The following EPS15 variants were observed in gnomAD, a reference collection of about 807,000 sequenced individuals.
The protein encoded by EPS15 is epidermal growth factor receptor pathway substrate 15.
Under a neutral mutation model 113.8 loss-of-function variants are expected in EPS15, and 72 were observed. That is an observed-to-expected ratio of 0.63 (90% CI 0.52 to 0.77). The LOEUF is 0.77. Among genes scored for constraint, EPS15 ranks in the 30% least tolerant of loss-of-function variants. The pLI is 0.00. For synonymous variants in EPS15, 344 were observed against 363.4 expected (o/e 0.95, Z 0.61); for missense variants, 1,048 against 1,045.8 (o/e 1.00, Z -0.03).
intron 8 of EPS15, chr1:51,460,880 G>T: frequency 4.7e-6 from 2 of 425,114 alleles, no homozygotes; most frequent in Admixed American, 8.8e-5. Context: ...CTTGAACCTG[G>T]GAGGTAGAGG....
At chr1:51,518,541 G>T (rs923867138) in intron 1 of EPS15, 1 of 152,966 alleles carries the variant, frequency 6.5e-6, no homozygotes, top group East Asian at 1.9e-4. Context: ...GATCAGGAGG[G>T]GGGAGAGGCT....
intron 8 of EPS15, among the ~76,000 whole-genome samples, chr1:51,456,210 A>G (rs1192796408): frequency 2.0e-5 from 3 of 152,202 alleles, no homozygotes. Context: ...GTCTAAACAT[A>G]AAGACTCAAG....
At chr1:51,450,272 T>C (rs994728263) in intron 8 of EPS15, among the ~76,000 whole-genome samples, 1 of 151,732 alleles carries the variant, frequency 6.6e-6, no homozygotes, top group African/African-American at 2.4e-5. Flanking sequence ...CGTTTTTGTA[T>C]TGCTATAAAT....
intron 8 of EPS15, among the ~76,000 whole-genome samples, chr1:51,449,355 A>G (rs7526429): frequency 0.03 from 4,574 of 152,208 alleles, 75 homozygotes; most frequent in African/African-American, 0.05. Flanking sequence ...AACAAATACC[A>G]TATGTTCTTG....
chr1:51,448,117 A>G lies in EPS15; in HGVS notation c.580T>C (p.Cys194Arg). ...EFAVAMFLVYCALEKEPVPMS... is the reference protein window; with the variant it reads ...EFAVAMFLVYRALEKEPVPMS... ...GGCACAGGTTCTTTCTCCAGTGCAC[A>G]GTATACCAAAAACATGGCCTTCAAA... The change falls in exon 9 of 25, where the codon TGT (cysteine) becomes CGT (arginine). Residue 194 changes from cysteine (C) to arginine (R), a missense_variant. Cys to Arg is a radical substitution (Grantham distance 180). Transcript: ENST00000371733. 1 of 1,612,596 alleles carries G rather than the reference A, an allele frequency of 6.2e-7. No individual in the cohort carries two copies. Among genetic ancestry groups the G allele is most frequent in the Non-Finnish European group, 8.5e-7 (1 of 1,178,888 alleles).
intron 6 of EPS15, 55 bp downstream of exon 6, chr1:51,465,206 G>GA: frequency 2.8e-6 from 3 of 1,064,894 alleles, no homozygotes; most frequent in Middle Eastern, 4.0e-4. Flanking sequence ...GAGGTAGAGA[G>GA]AGAGTAGATA....
intron 19 of EPS15, among the ~76,000 whole-genome samples, chr1:51,399,562 CAAAA>C (rs1293875575): frequency 1.4e-5 from 2 of 144,516 alleles, no homozygotes; most frequent in African/African-American, 5.2e-5. Flanking sequence ...AACAAACAAA[CAAAA>C]AGACAGTTTG....
intron 21 of EPS15, among the ~76,000 whole-genome samples, chr1:51,386,734 A>G (rs1647086194): frequency 6.6e-6 from 1 of 152,228 alleles, no homozygotes; most frequent in African/African-American, 2.4e-5. Flanking sequence ...GGAAGATGAA[A>G]TGAATGAAAT....
intron 1 of EPS15, among the ~76,000 whole-genome samples, chr1:51,516,628 C>G (rs1225002107): frequency 6.6e-6 from 1 of 152,150 alleles, no homozygotes; most frequent in Non-Finnish European, 1.5e-5. Flanking sequence ...AAACATTTTT[C>G]ACATTTTTTC....
At chr1:51,429,714 G>C (rs897293847) in intron 12 of EPS15, among the ~76,000 whole-genome samples, 1 of 150,378 alleles carries the variant, frequency 6.6e-6, no homozygotes, top group African/African-American at 2.5e-5. Context: ...GCAGTGGCGC[G>C]ATCTTGGCTC....
intron 12 of EPS15, among the ~76,000 whole-genome samples, chr1:51,436,569 T>C (rs1570302616): frequency 6.6e-6 from 1 of 152,066 alleles, no homozygotes; most frequent in East Asian, 1.9e-4. Flanking sequence ...GTTATAACAG[T>C]TGTAAATATA....
At chr1:51,372,316 G>C in intron 21 of EPS15, 1 of 526,124 alleles carries the variant, frequency 1.9e-6, no homozygotes, top group South Asian at 1.4e-5. Context: ...GTGCTGCTCA[G>C]TGTGGTGGAT....
intron 8 of EPS15, chr1:51,458,659 T>C (rs1017886683): frequency 2.5e-6 from 1 of 396,894 alleles, no homozygotes; most frequent in Admixed American, 2.6e-5. Context: ...ATAACTTGAA[T>C]CCAGGAGGCC....
chr1:51,391,870 A>C (rs1476045387), intron 21 of EPS15, among the ~76,000 whole-genome samples: 2 of 152,206 alleles, frequency 1.3e-5, no homozygotes, highest in Non-Finnish European at 2.9e-5. Context: ...AGGAAGGAAA[A>C]ATAGCTGCTT....
intron 1 of EPS15, among the ~76,000 whole-genome samples, chr1:51,512,688 C>G (rs1644645074): frequency 6.6e-6 from 1 of 151,938 alleles, no homozygotes; most frequent in Non-Finnish European, 1.5e-5. Flanking sequence ...TTCAGCCTTA[C>G]CCATAAAGAA....
At chr1:51,360,793 C>T (rs765455751) in intron 24 of EPS15, among the ~76,000 whole-genome samples, 5 of 152,068 alleles carry the variant, frequency 3.3e-5, no homozygotes, top group East Asian at 1.9e-4. Context: ...AATACACAAA[C>T]TTATTACTGG....
intron 12 of EPS15, among the ~76,000 whole-genome samples, chr1:51,426,998 T>C (rs1570278923): frequency 2.6e-5 from 4 of 152,146 alleles, no homozygotes; most frequent in African/African-American, 9.6e-5. Context: ...ATAGGGGTCA[T>C]CAAATTCTTT....
chr1:51,485,410 C>T (rs1029581737), intron 1 of EPS15, among the ~76,000 whole-genome samples: 1 of 152,160 alleles, frequency 6.6e-6, no homozygotes, highest in South Asian at 2.1e-4. Context: ...TGTTCAAAAT[C>T]AGTTGGAAAC....
intron 13 of EPS15, among the ~76,000 whole-genome samples, chr1:51,418,278 C>T (rs1173365134): frequency 3.3e-5 from 5 of 152,072 alleles, no homozygotes; most frequent in African/African-American, 1.2e-4. Flanking sequence ...CACATAAACA[C>T]ACACACAATC....
Sources: allele counts gnomAD v4.1 joint callset (sites outside exome capture counted in the v4.1 genomes callset), GRCh38; gene constraint gnomAD v4.1.1; transcripts MANE v1.5; gene names NCBI Gene and HGNC (gene_info 2026-07-23, HGNC 2026-07-21).